Variants in FBXL17 observed in about 807,000 individuals in gnomAD.
FBXL17 encodes the protein F-box/LRR-repeat protein 17.
Under a neutral mutation model 66.2 loss-of-function variants are expected in FBXL17, and 22 were observed. The observed-to-expected ratio is 0.33, with a 90% CI of 0.24 to 0.47. FBXL17 has a LOEUF of 0.47. Among genes scored for constraint, FBXL17 ranks in the 20% least tolerant of loss-of-function variants. The probability of loss-of-function intolerance (pLI) is 1.00; values close to 1 mark genes in which losing one functional copy is unlikely to be tolerated. For synonymous variants in FBXL17, 474 were observed against 400.5 expected (o/e 1.18, Z -2.19); for missense variants, 878 against 948.2 (o/e 0.93, Z 0.97).
chr5:108,320,696 G>A lies in FBXL17; in HGVS notation c.1506+27703C>T, dbSNP rs995593288. 4.6e-5 allele frequency among the ~76,000 whole-genome samples: 7 copies of A among 151,682 alleles called. No individual in the cohort carries two copies. In the South Asian group the frequency reaches 8.3e-4, roughly 18 times the overall value. On this transcript the variant is annotated intron_variant, in intron 4 of 8. Transcript: ENST00000542267. The stretch of plus-strand genomic sequence containing the variant: ...CAATTAGATATCAGTTACTAAATAC[G>A]TAATTGCTAGATTTGTTAAGAACAA...
At chr5:108,277,828 T>G (rs1757544655) in intron 4 of FBXL17, among the ~76,000 whole-genome samples, 1 of 152,368 alleles carries the variant, frequency 6.6e-6, no homozygotes, top group South Asian at 2.1e-4. Flanking sequence ...GTGTTTATAC[T>G]ACACTGTATT....
intron 7 of FBXL17, among the ~76,000 whole-genome samples, chr5:107,982,475 G>A (rs564313033): frequency 3.8e-4 from 57 of 151,968 alleles, no homozygotes; most frequent in African/African-American, 1.4e-3. Context: ...AAACCACATA[G>A]CAATGAACTT....
At chr5:108,342,084 A>C (rs1746920100) in intron 4 of FBXL17, among the ~76,000 whole-genome samples, 1 of 152,190 alleles carries the variant, frequency 6.6e-6, no homozygotes, top group Non-Finnish European at 1.5e-5. Context: ...TGCCTGGCAC[A>C]TAGTAACTGT....
intron 4 of FBXL17, among the ~76,000 whole-genome samples, chr5:108,287,122 C>T (rs567697243): frequency 1.3e-5 from 2 of 151,886 alleles, no homozygotes; most frequent in South Asian, 4.1e-4. Context: ...AAAATCAATT[C>T]GAGATAAATT....
rs188955070 is a variant in FBXL17 at position 108,157,848 on chromosome 5, C to T, written c.1745+28269G>A. On this transcript the variant is annotated intron_variant, in intron 6 of 8. Transcript: ENST00000542267. ...TGCATCAATTCTATCTATATACCAC[C>T]TTTCAACCCTAACTTCCCAGACAAT... is the stretch of plus-strand genomic sequence containing the variant. Among the ~76,000 whole-genome samples the T allele has an allele frequency of 3.8e-3, 575 of 152,118 alleles. 4 individuals carry two copies. Among genetic ancestry groups the T allele is most frequent in the Middle Eastern group, 6.8e-3 (2 of 294 alleles).
At chr5:108,220,215 C>T (rs1431241122) in intron 5 of FBXL17, among the ~76,000 whole-genome samples, 2 of 151,694 alleles carry the variant, frequency 1.3e-5, no homozygotes, top group Non-Finnish European at 2.9e-5. Flanking sequence ...TCCACAAATC[C>T]CTGGGATTCT....
intron 6 of FBXL17, among the ~76,000 whole-genome samples, chr5:108,057,436 A>G (rs1192122506): frequency 6.6e-6 from 1 of 152,144 alleles, no homozygotes; most frequent in African/African-American, 2.4e-5. Context: ...AGCCTCTCAA[A>G]AACACATTTT....
chr5:108,187,724 G>C (rs1489662983), intron 5 of FBXL17, among the ~76,000 whole-genome samples: 1 of 152,174 alleles, frequency 6.6e-6, no homozygotes, highest in East Asian at 1.9e-4. Flanking sequence ...CTGTAGGAGT[G>C]AGCAAGAAAA....
chr5:108,350,808 A>G (rs1421165768), intron 3 of FBXL17, among the ~76,000 whole-genome samples: 1 of 152,206 alleles, frequency 6.6e-6, no homozygotes, highest in Non-Finnish European at 1.5e-5. Context: ...TACCTCCCAT[A>G]TACACTTTAT....
At chr5:108,030,142 T>C (rs1338003101) in intron 6 of FBXL17, among the ~76,000 whole-genome samples, 3 of 152,168 alleles carry the variant, frequency 2.0e-5, no homozygotes, top group Non-Finnish European at 4.4e-5. Context: ...TACATAGTTG[T>C]TGTGTGTGCA....
intron 1 of FBXL17, among the ~76,000 whole-genome samples, chr5:108,374,375 G>C (rs1006479154): frequency 2.0e-5 from 3 of 152,270 alleles, no homozygotes; most frequent in South Asian, 2.1e-4. Context: ...AAGGAAATTA[G>C]ACATCAGTAA....
At chr5:107,974,981 T>C (rs1411669170) in intron 7 of FBXL17, among the ~76,000 whole-genome samples, 1 of 152,196 alleles carries the variant, frequency 6.6e-6, no homozygotes, top group Non-Finnish European at 1.5e-5. Context: ...CACTTCTGTC[T>C]TCATATAATG....
Position 108,381,295 on chromosome 5 carries a change from AGGCGGCAGC to A in FBXL17, c.388_396del (p.Ala130_Ala132del), listed in dbSNP as rs750747353. The A allele has an allele frequency of 2.1e-4, 292 of 1,409,594 alleles. No homozygotes were observed. The Middle Eastern group carries it at 4.7e-3, about 23-fold the overall frequency. The allele number at this position is 1,409,594 out of a possible 1,614,324, so 87.3% of individuals were successfully genotyped here. The stretch of plus-strand genomic sequence containing the variant: ...CAGCAGGAGGCGGGCGACGAAGCCG[AGGCGGCAGC>A]GGCGGCGGCGGCGGCGGCCGAGGAT... On this transcript the variant is annotated inframe_deletion, in exon 1 of 9. Coordinates refer to ENST00000542267, the MANE Select transcript of FBXL17 (RefSeq NM_001163315.3).
chr5:108,253,429 G>C (rs190509540), intron 4 of FBXL17, among the ~76,000 whole-genome samples: 2 of 152,084 alleles, frequency 1.3e-5, no homozygotes, highest in East Asian at 3.9e-4. Context: ...TCCACTCAAA[G>C]TTCTTCAGAT....
intron 4 of FBXL17, among the ~76,000 whole-genome samples, chr5:108,314,821 C>T (rs1052042997): frequency 4.0e-5 from 6 of 151,316 alleles, no homozygotes. Context: ...ACTTCAAAAT[C>T]TATAGTCTTA....
At chr5:107,930,130 T>C (rs1285349961) in intron 7 of FBXL17, among the ~76,000 whole-genome samples, 1 of 152,190 alleles carries the variant, frequency 6.6e-6, no homozygotes, top group Non-Finnish European at 1.5e-5. Context: ...CTGATCTTAC[T>C]TCTCTGTACA....
At chr5:108,170,867 GA>G (rs1222100985) in intron 6 of FBXL17, among the ~76,000 whole-genome samples, 1 of 152,152 alleles carries the variant, frequency 6.6e-6, no homozygotes, top group African/African-American at 2.4e-5. Flanking sequence ...CGTAGATGTT[GA>G]AGGCATAAAT....
In FBXL17 at chr5:108,164,215, C is replaced by T. The variant is rs1054258266; in HGVS notation, c.1745+21902G>A. Among the ~76,000 whole-genome samples, 107 of 152,142 alleles carry T rather than the reference C, an allele frequency of 7.0e-4. 3 individuals carry two copies. Among genetic ancestry groups the T allele is most frequent in the Non-Finnish European group, 2.1e-4 (14 of 68,020 alleles). On this transcript the variant is annotated intron_variant, in intron 6 of 8. Coordinates refer to ENST00000542267, the MANE Select transcript of FBXL17 (RefSeq NM_001163315.3). The stretch of plus-strand genomic sequence containing the variant: ...GCACATAATTAATTTATTATCCAAC[C>T]ATGACATTAAGCCATACACGAACCA...
chr5:108,003,376 T>G (rs1753809405), intron 7 of FBXL17, among the ~76,000 whole-genome samples: 1 of 152,158 alleles, frequency 6.6e-6, no homozygotes, highest in Non-Finnish European at 1.5e-5. Context: ...AACACAGATC[T>G]TTGAAAGCAC....
Sources: gnomAD v4.1 joint callset for allele counts (sites outside exome capture counted in the v4.1 genomes callset) on GRCh38, gnomAD v4.1.1 for gene constraint, MANE v1.5 for transcripts, NCBI Gene and HGNC (gene_info 2026-07-23, HGNC 2026-07-21) for gene names.